ATAD1: variants seen among roughly 807,000 people sequenced by gnomAD.
ATAD1 encodes outer mitochondrial transmembrane helix translocase.
In ATAD1, 18 loss-of-function variants were observed where a neutral mutation model predicts 42.7. That is an observed-to-expected ratio of 0.42 (90% CI 0.29 to 0.63). The LOEUF (loss-of-function observed/expected upper bound fraction) is 0.63. ATAD1 is among the 20% of genes least tolerant of loss of function. ATAD1 has a pLI of 0.19. For missense variants in ATAD1, 294 were observed against 440.4 expected (o/e 0.67, Z 2.98); for synonymous variants, 132 against 143.1 (o/e 0.92, Z 0.55).
chr10:87,834,981 A>G (rs1857905170), intron 1 of ATAD1, among the ~76,000 whole-genome samples: 1 of 151,938 alleles, frequency 6.6e-6, no homozygotes, highest in African/African-American at 2.4e-5. Context: ...ATTTTCATTC[A>G]GTTCAAAATA....
chr10:87,815,514 A>G (rs2132069401), intron 1 of ATAD1, among the ~76,000 whole-genome samples: 1 of 152,204 alleles, frequency 6.6e-6, no homozygotes, highest in South Asian at 2.1e-4. Context: ...GATATATAAG[A>G]AAAAGAGAAT....
chr10:87,829,226 TTTTA>T (rs140086346), intron 1 of ATAD1, among the ~76,000 whole-genome samples: 1 of 140,328 alleles, frequency 7.1e-6, no homozygotes, highest in Non-Finnish European at 1.5e-5. Flanking sequence ...GGATTCATTA[TTTTA>T]TTTATTATTT....
In ATAD1 at chr10:87,818,078, G is replaced by C. The variant is rs544145781; in HGVS notation, c.-14+89C>G. ...AGAAGACCGGGGTGACCTTTCCTCC[G>C]GGGGTTCCCAGGTCCGAGACGGTCC... On this transcript the variant is annotated intron_variant, in intron 1 of 9. Transcript: ENST00000680024. 238 of 985,704 alleles carry C rather than the reference G, an allele frequency of 2.4e-4. No individual in the cohort carries two copies. In the African/African-American group the frequency reaches 3.8e-3, roughly 16 times the overall value. 61.1% of individuals were successfully genotyped at this position (985,704 alleles called of 1,614,324 possible).
intron 2 of ATAD1, among the ~76,000 whole-genome samples, chr10:87,794,201 GAGACAA>G (rs1403839598): frequency 2.0e-5 from 3 of 152,144 alleles, no homozygotes; most frequent in African/African-American, 7.2e-5. Flanking sequence ...GCCTGGACAA[GAGACAA>G]ATCTTGTCTC....
intron 5 of ATAD1, among the ~76,000 whole-genome samples, chr10:87,782,195 C>G (rs919025575): frequency 6.6e-6 from 1 of 152,042 alleles, no homozygotes; most frequent in Non-Finnish European, 1.5e-5. Flanking sequence ...TCAAAAGCAA[C>G]AAGATTAAAA....
intron 2 of ATAD1, among the ~76,000 whole-genome samples, 179 bp downstream of exon 2, chr10:87,814,259 G>C (rs1444465782): frequency 6.6e-6 from 1 of 151,940 alleles, no homozygotes; most frequent in Non-Finnish European, 1.5e-5. Flanking sequence ...AAAATGACTT[G>C]AAATAATGTC....
chr10:87,809,578 C>T (rs546916273), intron 2 of ATAD1, among the ~76,000 whole-genome samples: 1 of 150,712 alleles, frequency 6.6e-6, no homozygotes, highest in African/African-American at 2.4e-5. Flanking sequence ...AGTTTAAACA[C>T]GTTGTTTGTT....
chr10:87,771,485 C>A (rs989632949), intron 6 of ATAD1, among the ~76,000 whole-genome samples: 1 of 152,004 alleles, frequency 6.6e-6, no homozygotes, highest in Non-Finnish European at 1.5e-5. Flanking sequence ...TGGAGAGAAT[C>A]ATTTCCCCTT....
Position 87,788,055 on chromosome 10 carries a change from AC to A in ATAD1, c.382+2254del, listed in dbSNP as rs1855920351. ...TTTAGACGTTTGAGGGAAAAAAATC[AC>A]TTTTTAAATATAACCGTCAATATCT... On this transcript the variant is annotated intron_variant, in intron 4 of 9. Transcript: ENST00000680024. Among the ~76,000 whole-genome samples the A allele has an allele frequency of 2.0e-5, 3 of 152,212 alleles. No homozygotes were observed. The South Asian group carries it at 6.2e-4, about 32-fold the overall frequency.
intron 2 of ATAD1, among the ~76,000 whole-genome samples, chr10:87,797,449 A>T (rs1434868338): frequency 6.6e-6 from 1 of 150,934 alleles, no homozygotes; most frequent in East Asian, 2.1e-4. Context: ...TGCCATCTGT[A>T]GTACCAAAAA....
At chr10:87,761,452 A>C (rs973112268) in intron 8 of ATAD1, among the ~76,000 whole-genome samples, 2 of 152,102 alleles carry the variant, frequency 1.3e-5, no homozygotes, top group Non-Finnish European at 2.9e-5. Context: ...TCTTGAGCTC[A>C]GGAGTTCTAG....
At chr10:87,771,657 G>A (rs954770080) in intron 6 of ATAD1, among the ~76,000 whole-genome samples, 1 of 151,548 alleles carries the variant, frequency 6.6e-6, no homozygotes, top group African/African-American at 2.4e-5. Flanking sequence ...CAGAGTATAA[G>A]CAAACATCAA....
chr10:87,775,474 C>A (rs1356142497), intron 6 of ATAD1, among the ~76,000 whole-genome samples: 16 of 62,240 alleles, frequency 2.6e-4, no homozygotes, highest in East Asian at 4.2e-4. Context: ...AACAAAAGAA[C>A]ACTGTTAACT....
At chr10:87,792,903 T>A in intron 2 of ATAD1, 148 bp from the exon 3 acceptor site, 2 of 634,930 alleles carry the variant, frequency 3.1e-6, no homozygotes, top group Non-Finnish European at 5.5e-6. Flanking sequence ...ATCTTAGCCT[T>A]CTCCATTGTG....
At chr10:87,782,437 C>T (rs1855610762) in intron 5 of ATAD1, among the ~76,000 whole-genome samples, 2 of 152,032 alleles carry the variant, frequency 1.3e-5, no homozygotes, top group South Asian at 4.1e-4. Flanking sequence ...ACTAAACAAG[C>T]AATGCCAGTA....
intron 8 of ATAD1, among the ~76,000 whole-genome samples, chr10:87,764,164 TAA>T (rs796377018): frequency 6.9e-6 from 1 of 145,548 alleles, no homozygotes; most frequent in Admixed American, 6.9e-5. Context: ...GTAGTGGCTA[TAA>T]AAAAAAAAAT....
At chr10:87,772,907 A>G (rs945090356) in intron 6 of ATAD1, among the ~76,000 whole-genome samples, 2 of 152,122 alleles carry the variant, frequency 1.3e-5, no homozygotes, top group African/African-American at 4.8e-5. Flanking sequence ...TTTACTACTT[A>G]AGAAACAAAA....
chr10:87,795,073 T>C (rs564562218), intron 2 of ATAD1, among the ~76,000 whole-genome samples: 2 of 152,316 alleles, frequency 1.3e-5, no homozygotes, highest in African/African-American at 4.8e-5. Flanking sequence ...ATTATCCTTA[T>C]TATTTAGATG....
At chr10:87,804,086 T>C (rs573845358) in intron 2 of ATAD1, among the ~76,000 whole-genome samples, 2 of 152,360 alleles carry the variant, frequency 1.3e-5, no homozygotes, top group East Asian at 1.9e-4. Flanking sequence ...CTCTTCCAAG[T>C]TGGCATTCTG....
Sources: allele counts gnomAD v4.1 joint callset (sites outside exome capture counted in the v4.1 genomes callset), GRCh38; gene constraint gnomAD v4.1.1; transcripts MANE v1.5; gene names NCBI Gene and HGNC (gene_info 2026-07-23, HGNC 2026-07-21).